The following PARVG variants were observed in gnomAD, a reference collection of about 807,000 sequenced individuals.
PARVG encodes the protein gamma-parvin.
PARVG carries 36 observed loss-of-function variants against 44.4 expected under a neutral mutation model. The observed-to-expected ratio is 0.81, with a 90% confidence interval of 0.62 to 1.07. The LOEUF is 1.07. Among genes scored for constraint, PARVG ranks in the 50% least tolerant of loss-of-function variants. The pLI is 0.00. For missense variants in PARVG, 407 were observed against 407.4 expected, an observed-to-expected ratio of 1.00 and a Z score of 0.01; for synonymous variants, 170 against 174.1, an observed-to-expected ratio of 0.98 and a Z score of 0.19.
At chr22:44,205,210 G>A (rs1447776083) in intron 12 of PARVG, among the ~76,000 whole-genome samples, 2 of 152,242 alleles carry the variant, frequency 1.3e-5, no homozygotes, top group Non-Finnish European at 2.9e-5. Context: ...GAGCATTGGA[G>A]CGGACAGACC....
At chr22:44,202,458 C>T (rs1383187367) in intron 12 of PARVG, among the ~76,000 whole-genome samples, 1 of 152,236 alleles carries the variant, frequency 6.6e-6, no homozygotes, top group Non-Finnish European at 1.5e-5. Context: ...CATCCAAGCC[C>T]CAGTTACAAG....
Position 44,182,681 on chromosome 22 carries a change from C to T in PARVG, c.-12-637C>T, listed in dbSNP as rs533855915. 9.9e-5 allele frequency among the ~76,000 whole-genome samples: 15 copies of T among 152,278 alleles called. 1 individual carries two copies. Among genetic ancestry groups the T allele is most frequent in the Middle Eastern group, 3.4e-3 (1 of 294 alleles). ...GGCCAGAAGGCGCCAGCCGAGCCAG[C>T]GAAGCCTTCACAGGAGAGGAAGTGG... On this transcript the variant is annotated intron_variant, in intron 2 of 13. Coordinates refer to ENST00000444313, the MANE Select transcript of PARVG (RefSeq NM_022141.7). The surrounding 1 kb of genome is among the most constrained non-coding windows in gnomAD (Gnocchi z 4.6).
At chr22:44,188,837 G>A (rs900525310) in intron 5 of PARVG, 6 of 482,354 alleles carry the variant, frequency 1.2e-5, no homozygotes, top group Non-Finnish European at 1.1e-5. Context: ...TCAAGGTGAG[G>A]TGGGCTCTCT....
At chr22:44,178,860 A>G (rs2054342223), upstream of PARVG, among the ~76,000 whole-genome samples, 1 of 151,998 alleles carries the variant, frequency 6.6e-6, no homozygotes, top group Non-Finnish European at 1.5e-5. Flanking sequence ...ATATTAGAAA[A>G]CCTTCTATCA....
intron 1 of PARVG, among the ~76,000 whole-genome samples, chr22:44,174,574 C>T (rs1051708891): frequency 6.6e-6 from 1 of 150,534 alleles, no homozygotes; most frequent in Admixed American, 6.6e-5. Context: ...AAAAAACCCA[C>T]AAAAAATAAA....
intron 13 of PARVG, 81 bp downstream of exon 13, chr22:44,205,910 C>A: frequency 6.7e-7 from 1 of 1,490,952 alleles, no homozygotes; most frequent in Non-Finnish European, 9.2e-7. Context: ...GGGTGCAGGG[C>A]ATTGGGGGAT....
At chr22:44,193,294 A>G (rs2054574087) in intron 8 of PARVG, among the ~76,000 whole-genome samples, 1 of 152,232 alleles carries the variant, frequency 6.6e-6, no homozygotes, top group African/African-American at 2.4e-5. Flanking sequence ...CCAAAAGAGG[A>G]CACGCAGTAT....
upstream of PARVG, among the ~76,000 whole-genome samples, chr22:44,177,064 G>A (rs2054325706): frequency 1.3e-5 from 2 of 152,122 alleles, no homozygotes; most frequent in Non-Finnish European, 2.9e-5. Context: ...GATGAGATTT[G>A]GGTGGGGACA....
Position 44,181,862 on chromosome 22 carries a change from A to G in PARVG, c.-68A>G, listed in dbSNP as rs1281442396. 8.1e-6 allele frequency: 8 copies of G among 985,400 alleles called. No homozygotes were observed. Among genetic ancestry groups the G allele is most frequent in the Non-Finnish European group, 9.6e-6 (8 of 830,024 alleles). The allele number at this position is 985,400 out of a possible 1,614,324, so 61.0% of individuals were successfully genotyped here. A position where few individuals can be genotyped will look rare whatever the true frequency, so the allele number is the denominator to read the frequency against. On this transcript the variant is annotated 5_prime_UTR_variant, in exon 2 of 14. Transcript: ENST00000444313. ...CGGAACTTGCTTCCATTCGGAATCC[A>G]GGGACCACCCTTTGCACTCAGTAGG...
chr22:44,200,327 G>C (rs139157), intron 12 of PARVG, among the ~76,000 whole-genome samples: 1 of 152,128 alleles, frequency 6.6e-6, no homozygotes, highest in Non-Finnish European at 1.5e-5. Context: ...TGTGCTCTTC[G>C]CCACCAGCTC....
rs200223837 is a variant in PARVG, at chr22:44,205,776, C to T, written c.833C>T (p.Ala278Val). Reference sequence around the variant, plus strand: ...TCATAGCTGCACAACGTCACCCTGGCGCTGGAGCTGCTGAAGGACGAGGGC... The same window carrying T: ...TCATAGCTGCACAACGTCACCCTGGTGCTGGAGCTGCTGAAGGACGAGGGC... ...PAEMLHNVTL[A>V]LELLKDEGLL... The change falls in exon 13 of 14, where the codon GCG becomes GTG. Residue 278 changes from alanine to valine, a missense_variant. Ala to Val is a moderately conservative substitution (Grantham distance 64). Coordinates refer to ENST00000444313, the MANE Select transcript of PARVG (RefSeq NM_022141.7). 162 of 1,613,508 alleles carry T rather than the reference C, an allele frequency of 1.0e-4. No individual in the cohort carries two copies. Among genetic ancestry groups the T allele is most frequent in the Middle Eastern group, 1.6e-4 (1 of 6,084 alleles).
chr22:44,185,906 G>C, intron 4 of PARVG, 34 bp downstream of exon 4: 1 of 1,591,670 alleles, frequency 6.3e-7, no homozygotes, highest in East Asian at 2.2e-5. Context: ...ACTTCCCTGG[G>C]TGCCTCTTGG....
chr22:44,180,184 C>T (rs2054357232), upstream of PARVG, among the ~76,000 whole-genome samples: 1 of 152,174 alleles, frequency 6.6e-6, no homozygotes, highest in East Asian at 1.9e-4. Context: ...GCCACAGCTC[C>T]TATCCCGAGG....
intron 12 of PARVG, among the ~76,000 whole-genome samples, chr22:44,201,788 C>G (rs1486431836): frequency 6.6e-6 from 1 of 152,194 alleles, no homozygotes; most frequent in Non-Finnish European, 1.5e-5. Context: ...GGATAGGGAT[C>G]AGGCTGTCGT....
chr22:44,189,326 A>G, intron 6 of PARVG, 72 bp downstream of exon 6: 2 of 1,565,328 alleles, frequency 1.3e-6, no homozygotes, highest in African/African-American at 1.4e-5. Flanking sequence ...CAGGCTTCTC[A>G]CCCACCAGGA....
chr22:44,190,151 G>A (rs546924446), intron 6 of PARVG, among the ~76,000 whole-genome samples: 18 of 152,154 alleles, frequency 1.2e-4, no homozygotes, highest in South Asian at 4.1e-4. Context: ...GCCTGCATTC[G>A]CAGCCTGTAA....
intron 12 of PARVG, among the ~76,000 whole-genome samples, chr22:44,204,725 C>G (rs1295489239): frequency 6.6e-6 from 1 of 152,252 alleles, no homozygotes; most frequent in East Asian, 1.9e-4. Flanking sequence ...ACCAGCACAG[C>G]TGACCCCCGG....
intron 7 of PARVG, among the ~76,000 whole-genome samples, chr22:44,190,885 C>T (rs1241249417): frequency 6.6e-6 from 1 of 152,168 alleles, no homozygotes; most frequent in African/African-American, 2.4e-5. Context: ...GGCCTGGGGG[C>T]ATGAGGAGGT....
chr22:44,201,443 G>T (rs897948377), intron 12 of PARVG, among the ~76,000 whole-genome samples: 1 of 151,942 alleles, frequency 6.6e-6, no homozygotes, highest in African/African-American at 2.4e-5. Context: ...GCCCCCACGG[G>T]GATGCATCTT....
Sources: gnomAD v4.1 joint callset for allele counts (sites outside exome capture counted in the v4.1 genomes callset) on GRCh38, gnomAD v4.1.1 for gene constraint, Gnocchi (gnomAD v3.1) non-coding constraint, MANE v1.5 for transcripts, NCBI Gene and HGNC (gene_info 2026-07-23, HGNC 2026-07-21) for gene names.